The following RAD52 variants were observed in gnomAD, a reference collection of about 807,000 sequenced individuals.
The protein encoded by RAD52 is RAD52 DNA repair protein.
In RAD52, 47 loss-of-function variants were observed where a neutral mutation model predicts 55.5. The observed-to-expected ratio is 0.85, with a 90% confidence interval of 0.67 to 1.08. RAD52 has a LOEUF of 1.08. Ranked by LOEUF, RAD52 falls within the 50% of genes least tolerant of loss-of-function variation. RAD52 has a pLI of 0.00. For missense variants in RAD52, 468 were observed against 522.8 expected (o/e 0.90, Z 1.02); for synonymous variants, 184 against 198.9 (o/e 0.92, Z 0.63).
chr12:968,713 A>G (rs1387731813), intron 1 of RAD52, among the ~76,000 whole-genome samples: 1 of 152,082 alleles, frequency 6.6e-6, no homozygotes, highest in Non-Finnish European at 1.5e-5. Flanking sequence ...GGGAATCCAC[A>G]AAGCAGCATA....
At chr12:918,066 C>T (rs1255248110) in intron 7 of RAD52, among the ~76,000 whole-genome samples, 4 of 152,080 alleles carry the variant, frequency 2.6e-5, no homozygotes, top group African/African-American at 7.2e-5. Flanking sequence ...TACAGGAAAA[C>T]GGGAAGAACC....
intron 1 of RAD52, among the ~76,000 whole-genome samples, chr12:937,542 C>A (rs943876391): frequency 6.6e-6 from 1 of 152,118 alleles, no homozygotes; most frequent in African/African-American, 2.4e-5. Flanking sequence ...TCTCCTGCCT[C>A]AGCCTACTGA....
intron 1 of RAD52, among the ~76,000 whole-genome samples, chr12:977,388 T>A (rs1440278632): frequency 6.6e-6 from 1 of 152,188 alleles, no homozygotes; most frequent in Non-Finnish European, 1.5e-5. Context: ...AGGTCACATA[T>A]GGGTCAAACG....
At chr12:979,774 G>A (rs1297752845) in intron 1 of RAD52, among the ~76,000 whole-genome samples, 6 of 152,148 alleles carry the variant, frequency 3.9e-5, no homozygotes, top group Non-Finnish European at 7.4e-5. Context: ...TTGGCCGGGT[G>A]CGGTGGCTCC....
At chr12:960,859 G>A (rs550979978) in intron 1 of RAD52, among the ~76,000 whole-genome samples, 1 of 152,222 alleles carries the variant, frequency 6.6e-6, no homozygotes, top group South Asian at 2.1e-4. Flanking sequence ...AGGACATAGA[G>A]CAGAGCAGAG....
At chr12:935,563 T>G (rs1015569210) in intron 1 of RAD52, among the ~76,000 whole-genome samples, 17 of 151,292 alleles carry the variant, frequency 1.1e-4, no homozygotes, top group African/African-American at 3.6e-4. Context: ...GCATTTTTAG[T>G]AGAGACAGGG....
chr12:916,910 T>C lies in RAD52; in HGVS notation c.544-90A>G, dbSNP rs1249697556. The C allele has an allele frequency of 2.0e-6, 3 of 1,514,668 alleles. No homozygotes were observed. In the African/African-American group the frequency reaches 4.1e-5, roughly 21 times the overall value. The allele number at this position is 1,514,668 out of a possible 1,614,324, so 93.8% of individuals were successfully genotyped here. On this transcript the variant is annotated intron_variant, in intron 7 of 11. Transcript: ENST00000358495. ...CTCACAGATTGCGATTCCTGGAAAA[T>C]CGCATTTGACATCCTCCATCCATCA... is the stretch of plus-strand genomic sequence containing the variant.
intron 1 of RAD52, among the ~76,000 whole-genome samples, chr12:955,513 G>A (rs1239532307): frequency 1.2e-4 from 18 of 148,780 alleles, no homozygotes; most frequent in Admixed American, 5.4e-4. Flanking sequence ...TCACTCTGTC[G>A]CCCAGGCCAT....
At chr12:946,676 A>C (rs1031470907) in intron 1 of RAD52, among the ~76,000 whole-genome samples, 7 of 152,220 alleles carry the variant, frequency 4.6e-5, no homozygotes, top group African/African-American at 1.7e-4. Context: ...AAGCACAAAA[A>C]TACAAAAAAA....
upstream of RAD52, among the ~76,000 whole-genome samples, chr12:990,783 G>A (rs79824915): frequency 1.3e-3 from 196 of 152,256 alleles, no homozygotes; most frequent in African/African-American, 4.5e-3. Context: ...GCCACGAGAA[G>A]TAGGGGGTGG....
At chr12:935,888 ATAAATAAATAAC>A (rs1257219342) in intron 1 of RAD52, among the ~76,000 whole-genome samples, 2 of 62,954 alleles carry the variant, frequency 3.2e-5, no homozygotes, top group Non-Finnish European at 7.3e-5. Flanking sequence ...AAATAAATAA[ATAAATAAATAAC>A]TAGAGACGGG....
rs547546977 is a variant in RAD52, at chr12:964,508, C to T, written c.-19+25301G>A. On this transcript the variant is annotated intron_variant, in intron 1 of 11. Transcript: ENST00000430095. ...ACTTGAACCCAGGAAGTGGAGGTGG[C>T]GGTGATCTGAGATCGTGCCACTGCG... Among the ~76,000 whole-genome samples the T allele has an allele frequency of 1.4e-4, 21 of 152,082 alleles. No individual in the cohort carries two copies. The South Asian group carries it at 2.9e-3, about 21-fold the overall frequency.
chr12:945,915 C>T (rs189465894), intron 1 of RAD52, among the ~76,000 whole-genome samples: 7 of 151,748 alleles, frequency 4.6e-5, no homozygotes, highest in East Asian at 3.9e-4. Flanking sequence ...CCCAGCTACT[C>T]GGGAGGTTGA....
intron 5 of RAD52, 114 bp from the exon 6 acceptor site, chr12:927,377 C>A: frequency 1.3e-6 from 1 of 773,046 alleles, no homozygotes; most frequent in Non-Finnish European, 2.2e-6. Context: ...GGCGGCCTTG[C>A]TACAGGGGCA....
At chr12:951,174 G>A (rs1958519255), upstream of RAD52, among the ~76,000 whole-genome samples, 1 of 152,142 alleles carries the variant, frequency 6.6e-6, no homozygotes, top group Admixed American at 6.6e-5. Context: ...CTGCAGTGCT[G>A]CAATCATGGC....
In RAD52 at chr12:916,495, G is replaced by C. The variant is rs1041690155; in HGVS notation, c.726-12C>G. The C allele has an allele frequency of 1.3e-5, 21 of 1,606,328 alleles. No individual in the cohort carries two copies. The highest frequency in any genetic ancestry group is 1.8e-5 in the Non-Finnish European group (21 of 1,178,626). On this transcript the variant is annotated splice_polypyrimidine_tract_variant and intron_variant, in intron 8 of 11. Transcript: ENST00000358495. ...ATGAGCTCAGGCTTCTGCATGAGAG[G>C]GCGGCGGCGAGGACGGGCTCCTGAG...
At position 927,187 on chromosome 12, in the gene RAD52, G is replaced by A; in HGVS notation, c.425C>T (p.Ala142Val). ...CCCGTCTGTCACCGCCTCCTTCCTT[G>A]CCTTCTCCAAAGATAAAGCCTTGGA... ...LKSKALSLEK[A>V]RKEAVTDGLK... is the part of the protein sequence containing the mutation. The change falls in exon 6 of 12, where the codon GCA (alanine) becomes GTA (valine). Residue 142 changes from alanine to valine, a missense_variant. Transcript: ENST00000358495. 1.2e-6 allele frequency: 2 copies of A among 1,614,086 alleles called. No individual in the cohort carries two copies. The highest frequency in any genetic ancestry group is 2.2e-5 in the South Asian group (2 of 91,084).
rs903450295 is a variant in RAD52 at position 916,496 on chromosome 12, G to A, written c.726-13C>T. ...TGAGCTCAGGCTTCTGCATGAGAGG[G>A]CGGCGGCGAGGACGGGCTCCTGAGC... is the stretch of plus-strand genomic sequence containing the variant. On this transcript the variant is annotated splice_polypyrimidine_tract_variant and intron_variant, in intron 8 of 11. Coordinates refer to ENST00000358495, the MANE Select transcript of RAD52 (RefSeq NM_134424.4). The A allele has an allele frequency of 7.5e-6, 12 of 1,606,212 alleles. No homozygotes were observed. The highest frequency in any genetic ancestry group is 1.0e-5 in the Non-Finnish European group (12 of 1,178,620).
At chr12:965,144 TA>T (rs1958741788) in intron 1 of RAD52, among the ~76,000 whole-genome samples, 3 of 151,890 alleles carry the variant, frequency 2.0e-5, no homozygotes, top group African/African-American at 7.3e-5. Flanking sequence ...CACGCCCGGC[TA>T]ATTTTTGTAT....
Sources: allele counts gnomAD v4.1 joint callset (sites outside exome capture counted in the v4.1 genomes callset), GRCh38; gene constraint gnomAD v4.1.1; transcripts MANE v1.5; gene names NCBI Gene and HGNC (gene_info 2026-07-23, HGNC 2026-07-21).